EHD2: variants seen among roughly 807,000 people sequenced by gnomAD.
The protein encoded by EHD2 is EH domain containing 2.
In EHD2, 27 loss-of-function variants were observed where a neutral mutation model predicts 41.0. The ratio of observed to expected loss-of-function variants is 0.66; its 90% CI spans 0.49 to 0.91. The LOEUF is 0.91. Ranked by LOEUF, EHD2 falls within the 40% of genes least tolerant of loss-of-function variation. EHD2 has a pLI of 0.00. For synonymous variants in EHD2, 342 were observed against 341.0 expected (o/e 1.00, Z -0.03); for missense variants, 673 against 773.9 (o/e 0.87, Z 1.55).
intron 3 of EHD2, among the ~76,000 whole-genome samples, chr19:47,723,427 T>G (rs1973717646): frequency 6.6e-6 from 1 of 152,088 alleles, no homozygotes; most frequent in Non-Finnish European, 1.5e-5. Context: ...TTTGGGAGGC[T>G]GAGGTGGGCG....
chr19:47,724,083 CTT>C (rs34420590), intron 3 of EHD2, among the ~76,000 whole-genome samples: 9 of 143,774 alleles, frequency 6.3e-5, no homozygotes, highest in Non-Finnish European at 6.1e-5. Context: ...TCACAACAGT[CTT>C]TTTTTTTTTT....
At chr19:47,740,675 G>A (rs1966976507) in intron 5 of EHD2, among the ~76,000 whole-genome samples, 1 of 152,184 alleles carries the variant, frequency 6.6e-6, no homozygotes, top group African/African-American at 2.4e-5. Context: ...GAAACCGGAA[G>A]GCGGACGTTG....
At chr19:47,715,324 G>A (rs993658080) in intron 1 of EHD2, among the ~76,000 whole-genome samples, 2 of 151,950 alleles carry the variant, frequency 1.3e-5, no homozygotes, top group East Asian at 1.9e-4. Context: ...ATGGCTCCCA[G>A]TACACCAGGA....
chr19:47,718,437 C>T, intron 2 of EHD2, 72 bp from the exon 3 acceptor site: 1 of 1,370,660 alleles, frequency 7.3e-7, no homozygotes, highest in Non-Finnish European at 1.0e-6. Flanking sequence ...CCGAGTCCCT[C>T]TTCATGTTTT....
chr19:47,726,198 C>T lies in EHD2; in HGVS notation c.889C>T (p.Leu297=). The T allele has an allele frequency of 1.3e-6, 2 of 1,546,448 alleles. No individual in the cohort carries two copies. Among genetic ancestry groups the T allele is most frequent in the African/African-American group, 1.4e-5 (1 of 73,470 alleles). The change falls in exon 4 of 6, where the codon CTG becomes TTG. Residue 297 remains leucine, a synonymous_variant. Transcript: ENST00000263277. ...CGCAGCCTTGCGCAAGCTCAACGAC[C>T]TGGTGAAGAGGGCCCGGCTGGTGCG... is the stretch of plus-strand genomic sequence containing the variant. ...RHAALRKLND[L]VKRARLVRVH...
intron 2 of EHD2, among the ~76,000 whole-genome samples, chr19:47,717,409 CCTGA>C (rs1350312927): frequency 3.3e-5 from 5 of 152,268 alleles, no homozygotes; most frequent in Admixed American, 6.5e-5. Context: ...CTGTCCCCTC[CCTGA>C]CTGTGTTTCC....
chr19:47,740,987 T>G lies in EHD2; in HGVS notation c.1187T>G (p.Leu396Arg). ...CACGACATCGCCAAGCTCATGCCCC[T>G]GCTGCGGCAGGAGGAGCTGGAGAGC... ...LTHDIAKLMP[L>R]LRQEELESTE... Residue 396 changes from leucine to arginine, a missense_variant, in exon 6 of 6, where the codon CTG (leucine) becomes CGG (arginine). Physicochemically the swap from Leu to Arg is moderately radical, Grantham distance 102. Transcript: ENST00000263277. The G allele has an allele frequency of 6.2e-7, 1 of 1,611,792 alleles. No homozygotes were observed. Among genetic ancestry groups the G allele is most frequent in the African/African-American group, 1.3e-5 (1 of 75,034 alleles).
chr19:47,735,034 AGAGT>A (rs1415917738), intron 4 of EHD2, among the ~76,000 whole-genome samples: 19 of 152,224 alleles, frequency 1.2e-4, no homozygotes, highest in Non-Finnish European at 2.5e-4. Flanking sequence ...CCTGGGTGAC[AGAGT>A]GAGTGAGACT....
intron 4 of EHD2, among the ~76,000 whole-genome samples, chr19:47,731,683 C>T (rs1966878985): frequency 1.3e-5 from 2 of 152,006 alleles, no homozygotes; most frequent in South Asian, 4.1e-4. Flanking sequence ...CATACTTTAT[C>T]AGACATGATT....
intron 4 of EHD2, chr19:47,729,611 G>A (rs1208031448): frequency 1.3e-5 from 2 of 152,800 alleles, no homozygotes; most frequent in Non-Finnish European, 1.5e-5. Context: ...AAGCTGGGCA[G>A]GCAGGGAGGC....
chr19:47,741,534 C>T lies in EHD2; in HGVS notation c.*102C>T, dbSNP rs1966990690. ...ACACGCCCTGCCTGCCCTCCCTGCC[C>T]AGCTGTAAGGACCGGGGGTCTCCCT... On this transcript the variant is annotated 3_prime_UTR_variant, in exon 6 of 6. Transcript: ENST00000263277. This position sits in a 1 kb window ranked among gnomAD's most constrained non-coding sequence, Gnocchi z 4.5. 31 of 1,349,562 alleles carry T rather than the reference C, an allele frequency of 2.3e-5. No individual in the cohort carries two copies. Among genetic ancestry groups the T allele is most frequent in the Non-Finnish European group, 3.0e-5 (30 of 1,001,386 alleles). 83.6% of individuals were successfully genotyped at this position (1,349,562 alleles called of 1,614,324 possible). A position where few individuals can be genotyped will look rare whatever the true frequency, so the allele number is the denominator to read the frequency against.
chr19:47,729,009 T>C (rs909286751), intron 4 of EHD2, among the ~76,000 whole-genome samples: 1 of 152,150 alleles, frequency 6.6e-6, no homozygotes, highest in South Asian at 2.1e-4. Flanking sequence ...TGGCCTGGTG[T>C]TGGGTGGTGC....
intron 1 of EHD2, among the ~76,000 whole-genome samples, chr19:47,715,422 T>C (rs1258023393): frequency 6.6e-6 from 1 of 152,092 alleles, no homozygotes; most frequent in East Asian, 1.9e-4. Flanking sequence ...AGCTCAAAAG[T>C]CAACCCTGCC....
At chr19:47,738,909 G>A (rs1490116780) in intron 5 of EHD2, among the ~76,000 whole-genome samples, 1 of 152,064 alleles carries the variant, frequency 6.6e-6, no homozygotes, top group Non-Finnish European at 1.5e-5. Flanking sequence ...GCAGTGTGAC[G>A]CCAAGTCCAC....
In EHD2 at chr19:47,716,548, C is replaced by G; in HGVS notation, c.-55-10C>G. ...GCCGCCTATGCTCATGCCCTCTCCC[C>G]CTCCCACAGGCAGCTCTCCATCTGC... On this transcript the variant is annotated splice_polypyrimidine_tract_variant and intron_variant, in intron 1 of 5. Coordinates refer to ENST00000263277, the MANE Select transcript of EHD2 (RefSeq NM_014601.4). The G allele has an allele frequency of 4.9e-6, 7 of 1,440,302 alleles. No homozygotes were observed. In the South Asian group the frequency reaches 1.0e-4, roughly 21 times the overall value. The allele number at this position is 1,440,302 out of a possible 1,614,324, so 89.2% of individuals were successfully genotyped here.
intron 5 of EHD2, among the ~76,000 whole-genome samples, chr19:47,739,173 C>T (rs1470077726): frequency 6.6e-6 from 1 of 151,944 alleles, no homozygotes; most frequent in African/African-American, 2.4e-5. Flanking sequence ...GCTATCTTCG[C>T]TCACTGCAAC....
intron 5 of EHD2, among the ~76,000 whole-genome samples, chr19:47,738,260 T>C (rs998391202): frequency 2.6e-5 from 4 of 152,136 alleles, no homozygotes; most frequent in Non-Finnish European, 4.4e-5. Flanking sequence ...CTGTCCAGTA[T>C]GGTAGCCACT....
chr19:47,742,019 T>C lies in EHD2; in HGVS notation c.*587T>C. ...ATCACATCCTCAGGTCTCGGGACCA[T>C]GGGGGGCTCAGAGGGGAGACACACC... On this transcript the variant is annotated 3_prime_UTR_variant, in exon 6 of 6. Transcript: ENST00000263277. 2.2e-6 allele frequency: 1 copy of C among 451,068 alleles called. No individual in the cohort carries two copies. The highest frequency in any genetic ancestry group is 1.6e-5 in the South Asian group (1 of 63,794). The allele number at this position is 451,068 out of a possible 1,614,324, so 27.9% of individuals were successfully genotyped here.
At chr19:47,735,742 A>C (rs1253775163) in intron 4 of EHD2, among the ~76,000 whole-genome samples, 2 of 151,956 alleles carry the variant, frequency 1.3e-5, no homozygotes, top group African/African-American at 2.4e-5. Context: ...GTTTCTATTA[A>C]AAATACAAAA....
Sources: allele counts gnomAD v4.1 joint callset (sites outside exome capture counted in the v4.1 genomes callset), GRCh38; gene constraint gnomAD v4.1.1; non-coding constraint Gnocchi (gnomAD v3.1); transcripts MANE v1.5; gene names NCBI Gene and HGNC (gene_info 2026-07-23, HGNC 2026-07-21).